The following HNF1B variants were observed in gnomAD, a reference collection of about 807,000 sequenced individuals.
HNF1B encodes the protein HNF1 homeobox B, also known as hepatocyte nuclear factor 1-beta.
In HNF1B, 8 loss-of-function variants were observed where a neutral mutation model predicts 61.7. The observed-to-expected ratio is 0.13, with a 90% CI of 0.08 to 0.23. The LOEUF (loss-of-function observed/expected upper bound fraction) is 0.23. Ranked by LOEUF, HNF1B falls within the 10% of genes least tolerant of loss-of-function variation. The pLI, the probability that HNF1B is intolerant of heterozygous loss-of-function variation, is 1.00. For missense variants in HNF1B, 562 were observed against 714.5 expected, an observed-to-expected ratio of 0.79 and a Z score of 2.43; for synonymous variants, 314 against 287.7, an observed-to-expected ratio of 1.09 and a Z score of -0.93.
At chr17:37,720,450 T>C (rs1568654355) in intron 4 of HNF1B, among the ~76,000 whole-genome samples, 2 of 152,000 alleles carry the variant, frequency 1.3e-5, no homozygotes, top group South Asian at 4.1e-4. Flanking sequence ...GCAGTGTTAA[T>C]AGGGTTGAAG....
intron 4 of HNF1B, among the ~76,000 whole-genome samples, chr17:37,726,160 T>C (rs118041621): frequency 9.6e-6 from 1 of 103,710 alleles, no homozygotes; most frequent in African/African-American, 3.3e-5. Flanking sequence ...GTGTGTGTCT[T>C]TCTCTCTCTC....
At chr17:37,699,282 T>C (rs2032487084) in intron 7 of HNF1B, 88 bp from the exon 8 acceptor site, 1 of 937,982 alleles carries the variant, frequency 1.1e-6, no homozygotes, top group Non-Finnish European at 1.8e-6. Context: ...ATAGCTCCCA[T>C]CTCCTCAGGT....
intron 4 of HNF1B, among the ~76,000 whole-genome samples, chr17:37,724,463 T>C (rs956962023): frequency 4.6e-5 from 7 of 152,270 alleles, no homozygotes; most frequent in East Asian, 1.9e-4. Flanking sequence ...TTGAGAACTA[T>C]TGTCCTACAG....
intron 5 of HNF1B, among the ~76,000 whole-genome samples, chr17:37,710,263 A>G (rs2032886373): frequency 6.6e-6 from 1 of 152,210 alleles, no homozygotes; most frequent in Non-Finnish European, 1.5e-5. Context: ...GAGGCATTCA[A>G]TCAATAAAAA....
intron 5 of HNF1B, among the ~76,000 whole-genome samples, chr17:37,710,062 A>G (rs1194033987): frequency 1.2e-4 from 19 of 152,140 alleles, no homozygotes; most frequent in Admixed American, 1.2e-3. Flanking sequence ...CTGACTTGCT[A>G]ATGACTCTTC....
intron 6 of HNF1B, among the ~76,000 whole-genome samples, chr17:37,701,708 A>T (rs1332726245): frequency 6.6e-6 from 1 of 152,176 alleles, no homozygotes; most frequent in Non-Finnish European, 1.5e-5. Context: ...AGACTGTACA[A>T]AGACCCCCAG....
chr17:37,734,882 G>T (rs185847105), intron 2 of HNF1B, among the ~76,000 whole-genome samples: 220 of 149,364 alleles, frequency 1.5e-3, no homozygotes, highest in Non-Finnish European at 3.0e-3. Flanking sequence ...TCCGCCTCCC[G>T]GGTTCAAACA....
At chr17:37,742,413 C>G (rs973895686) in intron 1 of HNF1B, among the ~76,000 whole-genome samples, 8 of 152,256 alleles carry the variant, frequency 5.3e-5, no homozygotes, top group African/African-American at 1.7e-4. Flanking sequence ...CGCGACTTTT[C>G]TTTCTCTTTG....
intron 1 of HNF1B, among the ~76,000 whole-genome samples, chr17:37,739,879 T>C (rs2033942283): frequency 2.6e-5 from 4 of 152,078 alleles, no homozygotes; most frequent in Non-Finnish European, 5.9e-5. Context: ...GGACTTCCCA[T>C]CTTCAGGAAT....
At chr17:37,721,223 G>A (rs1369182748) in intron 4 of HNF1B, among the ~76,000 whole-genome samples, 1 of 152,094 alleles carries the variant, frequency 6.6e-6, no homozygotes, top group East Asian at 1.9e-4. Context: ...TATTGTGACT[G>A]GCCCCACCCA....
At chr17:37,701,931 C>T (rs1282900090) in intron 6 of HNF1B, among the ~76,000 whole-genome samples, 1 of 152,174 alleles carries the variant, frequency 6.6e-6, no homozygotes, top group Non-Finnish European at 1.5e-5. Context: ...ATGTCAGGGC[C>T]TCTGTAACTT....
At chr17:37,698,922 G>A (rs1183230641) in intron 8 of HNF1B, among the ~76,000 whole-genome samples, 154 bp downstream of exon 8, 3 of 143,754 alleles carry the variant, frequency 2.1e-5, no homozygotes, top group African/African-American at 7.8e-5. Flanking sequence ...TTTTTTTTTT[G>A]CCCTGGGACC....
intron 4 of HNF1B, among the ~76,000 whole-genome samples, chr17:37,711,839 C>T (rs1311431484): frequency 6.6e-6 from 1 of 152,202 alleles, no homozygotes; most frequent in African/African-American, 2.4e-5. Context: ...TGAACCATCC[C>T]TGTACACTGA....
In HNF1B at chr17:37,686,656, C is replaced by T. The variant is rs889404489; in HGVS notation, c.*716G>A. 1.2e-5 allele frequency: 2 copies of T among 160,714 alleles called. No individual in the cohort carries two copies. Among genetic ancestry groups the T allele is most frequent in the African/African-American group, 4.8e-5 (2 of 41,452 alleles). 10.0% of individuals were successfully genotyped at this position (160,714 alleles called of 1,614,324 possible). ...AGACTGGAGTTAGCTGGTAGTCAGT[C>T]CAAGGTATGCTGTCCCCATAAGTGT... On this transcript the variant is annotated 3_prime_UTR_variant, in exon 9 of 9. Transcript: ENST00000617811.
chr17:37,689,148 A>C (rs1239948716), intron 8 of HNF1B, among the ~76,000 whole-genome samples: 345 of 140,636 alleles, frequency 2.5e-3, no homozygotes, highest in Non-Finnish European at 4.2e-3. Context: ...TGGTCTCACA[A>C]AAAAAAAAAA....
At chr17:37,690,000 C>A (rs954702285) in intron 8 of HNF1B, among the ~76,000 whole-genome samples, 2 of 64,088 alleles carry the variant, frequency 3.1e-5, no homozygotes, top group Non-Finnish European at 5.7e-5. Context: ...TAAACAAATG[C>A]GTGCACACAC....
At chr17:37,693,577 T>C (rs970474588) in intron 8 of HNF1B, among the ~76,000 whole-genome samples, 1 of 152,216 alleles carries the variant, frequency 6.6e-6, no homozygotes, top group African/African-American at 2.4e-5. Flanking sequence ...GCAAGTGAAA[T>C]GCTCTGAGAA....
Position 37,731,815 on chromosome 17 carries a change from C to G in HNF1B, c.825G>C (p.Gln275His). 1 of 1,609,452 alleles carries G rather than the reference C, an allele frequency of 6.2e-7. No homozygotes were observed. The highest frequency in any genetic ancestry group is 8.5e-7 in the Non-Finnish European group (1 of 1,177,390). The change falls in exon 4 of 9, where the codon CAG (glutamine) becomes CAC (histidine). Residue 275 changes from glutamine to histidine, a missense_variant. Coordinates refer to ENST00000617811, the MANE Select transcript of HNF1B (RefSeq NM_000458.4). ...VEECNRAECL[Q>H]RGVSPSKAHG... ...GGGCTTTGGAGGGGGACACCCCTCG[C>G]TGCAAACATTCTGCCCTGGGAATGG...
intron 8 of HNF1B, among the ~76,000 whole-genome samples, chr17:37,689,366 G>A (rs1051565762): frequency 3.3e-5 from 5 of 152,072 alleles, no homozygotes; most frequent in Admixed American, 6.6e-5. Context: ...GAGAGAAAAC[G>A]GCTTGTGACC....
Sources: allele counts gnomAD v4.1 joint callset (sites outside exome capture counted in the v4.1 genomes callset), GRCh38; gene constraint gnomAD v4.1.1; transcripts MANE v1.5; gene names NCBI Gene and HGNC (gene_info 2026-07-23, HGNC 2026-07-21).